The following ANXA4 variants were observed in gnomAD, a reference collection of about 807,000 sequenced individuals.
ANXA4 encodes the protein annexin A4, also known as 35-beta calcimedin.
ANXA4 carries 39 observed loss-of-function variants against 49.8 expected under a neutral mutation model. The observed-to-expected ratio is 0.78, with a 90% CI of 0.61 to 1.02. The LOEUF (loss-of-function observed/expected upper bound fraction) is 1.02, where lower values mean the gene tolerates loss of function less well. Among genes scored for constraint, ANXA4 ranks in the 50% least tolerant of loss-of-function variants. ANXA4 has a pLI of 0.00. For synonymous variants in ANXA4, 134 were observed against 152.5 expected (o/e 0.88, Z 0.89); for missense variants, 360 against 410.1 (o/e 0.88, Z 1.05).
chr2:69,819,997 G>T (rs1348294647), intron 11 of ANXA4, among the ~76,000 whole-genome samples: 1 of 151,738 alleles, frequency 6.6e-6, no homozygotes, highest in Non-Finnish European at 1.5e-5. Flanking sequence ...GAACCCAGGA[G>T]GCAGAGGTTG....
At chr2:69,751,430 C>T (rs1314911917) in intron 1 of ANXA4, among the ~76,000 whole-genome samples, 2 of 150,106 alleles carry the variant, frequency 1.3e-5, no homozygotes, top group Admixed American at 6.7e-5. Flanking sequence ...ATCGCTTGGG[C>T]CTTGGAGGCA....
In ANXA4 at chr2:69,728,183, A is replaced by G. The variant is rs187380943; in HGVS notation, n.864+7312A>G. Among the ~76,000 whole-genome samples the G allele has an allele frequency of 3.1e-3, 466 of 152,318 alleles. 5 individuals are homozygous for G. The highest frequency in any genetic ancestry group is 8.8e-3 in the Admixed American group (135 of 15,296). On this transcript the variant is annotated intron_variant and non_coding_transcript_variant, in intron 3 of 3. Coordinates refer to the ANXA4 transcript ENST00000418066. Reference sequence around the variant, plus strand: ...TTACTATTTTATTTCTCTTGTAGTTAATAAATATATAATGAGGCAATATGT... The same window carrying G: ...TTACTATTTTATTTCTCTTGTAGTTGATAAATATATAATGAGGCAATATGT...
At chr2:69,798,670 C>T (rs1276323457) in intron 3 of ANXA4, among the ~76,000 whole-genome samples, 2 of 152,220 alleles carry the variant, frequency 1.3e-5, no homozygotes, top group Non-Finnish European at 2.9e-5. Flanking sequence ...TGGTGGCCAG[C>T]CCTTGTGGCT....
At chr2:69,732,078 T>C (rs1670118007) in intron 3 of ANXA4, among the ~76,000 whole-genome samples, 1 of 148,770 alleles carries the variant, frequency 6.7e-6, no homozygotes, top group African/African-American at 2.5e-5. Context: ...CCTGGGTTCA[T>C]GCCATTCTCC....
At chr2:69,676,730 C>T (rs1221329442) in intron 2 of ANXA4, among the ~76,000 whole-genome samples, 1 of 151,874 alleles carries the variant, frequency 6.6e-6, no homozygotes, top group Non-Finnish European at 1.5e-5. Context: ...CTGTCTCTAC[C>T]AAAAATACAA....
At chr2:69,657,422 A>G (rs1676546114) in intron 2 of ANXA4, among the ~76,000 whole-genome samples, 1 of 148,792 alleles carries the variant, frequency 6.7e-6, no homozygotes, top group African/African-American at 2.6e-5. Flanking sequence ...ATATTATAAA[A>G]TAAAACTTAC....
chr2:69,780,925 GGGT>G (rs1286814824), intron 1 of ANXA4, among the ~76,000 whole-genome samples: 2 of 152,114 alleles, frequency 1.3e-5, no homozygotes, highest in African/African-American at 2.4e-5. Context: ...ATGAAAGAGG[GGGT>G]GCTGAAAACC....
In ANXA4 at chr2:69,788,211, A is replaced by G. The variant is rs1166139417; in HGVS notation, c.97+70A>G. 3 of 1,417,668 alleles carry G rather than the reference A, an allele frequency of 2.1e-6. No individual in the cohort carries two copies. In the Admixed American group the frequency reaches 5.1e-5, roughly 24 times the overall value. 87.8% of individuals were successfully genotyped at this position (1,417,668 alleles called of 1,614,324 possible). A position where few individuals can be genotyped will look rare whatever the true frequency, so the allele number is the denominator to read the frequency against. ...TCACAGGGTCACACAGGAGGGTGCCATGTCTGCTGGCCATCACGTGGGTCT... is the reference window on the plus strand; with the variant it reads ...TCACAGGGTCACACAGGAGGGTGCCGTGTCTGCTGGCCATCACGTGGGTCT... On this transcript the variant is annotated intron_variant, in intron 3 of 12. Transcript: ENST00000394295.
chr2:69,771,485 T>G (rs1241820851), intron 1 of ANXA4, among the ~76,000 whole-genome samples: 1 of 152,242 alleles, frequency 6.6e-6, no homozygotes, highest in African/African-American at 2.4e-5. Flanking sequence ...ATCTTTGTTT[T>G]GATGGGTGTT....
chr2:69,766,210 G>C (rs1022193688), intron 1 of ANXA4, among the ~76,000 whole-genome samples: 1 of 152,218 alleles, frequency 6.6e-6, no homozygotes, highest in African/African-American at 2.4e-5. Flanking sequence ...CATGTGGGTA[G>C]ATTTGGTAAC....
At chr2:69,751,629 C>T (rs1158695374) in intron 1 of ANXA4, among the ~76,000 whole-genome samples, 2 of 151,924 alleles carry the variant, frequency 1.3e-5, no homozygotes, top group Non-Finnish European at 2.9e-5. Flanking sequence ...GTCCAAACCA[C>T]TTGTCCAAGA....
intron 2 of ANXA4, among the ~76,000 whole-genome samples, chr2:69,702,532 G>A: frequency 6.6e-6 from 1 of 150,924 alleles, no homozygotes; most frequent in East Asian, 2.0e-4. Flanking sequence ...GACCAGCCTG[G>A]GCAATATAGT....
chr2:69,778,964 G>A (rs1277332603), intron 1 of ANXA4, among the ~76,000 whole-genome samples: 1 of 150,934 alleles, frequency 6.6e-6, no homozygotes, highest in Non-Finnish European at 1.5e-5. Flanking sequence ...CGGGTATGGT[G>A]ATACATGCCT....
At chr2:69,684,960 T>C (rs1019971497) in intron 2 of ANXA4, among the ~76,000 whole-genome samples, 10 of 152,128 alleles carry the variant, frequency 6.6e-5, no homozygotes, top group African/African-American at 2.4e-4. Context: ...AGTCCCCAGT[T>C]TTGAAGAATG....
chr2:69,746,051 A>T (rs1423775300), intron 1 of ANXA4, among the ~76,000 whole-genome samples: 2 of 151,934 alleles, frequency 1.3e-5, no homozygotes, highest in African/African-American at 4.8e-5. Flanking sequence ...TTGCTCTGTC[A>T]CCCAGGCTGG....
At chr2:69,709,314 G>C (rs964065214) in intron 2 of ANXA4, among the ~76,000 whole-genome samples, 1 of 152,180 alleles carries the variant, frequency 6.6e-6, no homozygotes, top group Non-Finnish European at 1.5e-5. Flanking sequence ...CTTCGTCAAA[G>C]TCTGACCTGT....
chr2:69,759,821 A>C (rs1671200905), intron 1 of ANXA4, among the ~76,000 whole-genome samples: 1 of 152,140 alleles, frequency 6.6e-6, no homozygotes, highest in Non-Finnish European at 1.5e-5. Flanking sequence ...TATTAAAAAG[A>C]CAATTAGTAT....
At chr2:69,716,065 A>C (rs1279816683) in intron 2 of ANXA4, among the ~76,000 whole-genome samples, 2 of 152,178 alleles carry the variant, frequency 1.3e-5, no homozygotes, top group African/African-American at 2.4e-5. Context: ...GGAGTGATCA[A>C]ACTGTATGTA....
chr2:69,822,064 A>G (rs1674266484), intron 12 of ANXA4, among the ~76,000 whole-genome samples: 1 of 152,194 alleles, frequency 6.6e-6, no homozygotes, highest in Non-Finnish European at 1.5e-5. Context: ...AAACTTCTTC[A>G]AAAAGTTTAA....
Sources: allele counts gnomAD v4.1 joint callset (sites outside exome capture counted in the v4.1 genomes callset), GRCh38; gene constraint gnomAD v4.1.1; transcripts MANE v1.5; gene names NCBI Gene and HGNC (gene_info 2026-07-23, HGNC 2026-07-21).